CNNM1: variants seen among roughly 807,000 people sequenced by gnomAD.
CNNM1 encodes the protein cyclin and CBS domain divalent metal cation transport mediator 1.
A neutral mutation model predicts 78.8 loss-of-function variants in CNNM1; 44 were observed. The observed-to-expected ratio is 0.56, with a 90% confidence interval of 0.44 to 0.72. CNNM1 has a LOEUF of 0.72. Ranked by LOEUF, CNNM1 falls within the 30% of genes least tolerant of loss-of-function variation. The pLI is 0.00. For synonymous variants in CNNM1, 584 were observed against 581.5 expected, an observed-to-expected ratio of 1.00 and a Z score of -0.06; for missense variants, 1,101 against 1,292.2, an observed-to-expected ratio of 0.85 and a Z score of 2.27.
intron 7 of CNNM1, among the ~76,000 whole-genome samples, chr10:99,381,335 A>C (rs2032144816): frequency 1.3e-5 from 2 of 151,018 alleles, no homozygotes; most frequent in South Asian, 4.2e-4. Flanking sequence ...AATCGCTTCA[A>C]CCCAGGACAC....
At chr10:99,387,117 C>G (rs758548752) in intron 7 of CNNM1, among the ~76,000 whole-genome samples, 17 of 152,316 alleles carry the variant, frequency 1.1e-4, no homozygotes, top group African/African-American at 3.8e-4. Context: ...AGACACCCTC[C>G]TGCCTTTTAG....
chr10:99,365,037 C>T (rs370723438), intron 6 of CNNM1, 35 bp downstream of exon 6: 79 of 1,611,410 alleles, frequency 4.9e-5, no homozygotes, highest in Admixed American at 1.2e-4. Flanking sequence ...TCGTCCTCCC[C>T]ATCGTAGTCC....
Position 99,388,219 on chromosome 10 carries a change from C to T in CNNM1, c.2592C>T (p.Phe864=). 1 of 1,614,012 alleles carries T rather than the reference C, an allele frequency of 6.2e-7. No individual in the cohort carries two copies. The highest frequency in any genetic ancestry group is 1.3e-5 in the African/African-American group (1 of 75,080). The part of the protein sequence containing the change: ...VVYLRMEELA[F]TQEEMTDFEE... ...ACCTGAGGATGGAGGAGCTGGCCTT[C>T]ACCCAGGAAGAAATGACTGACTTCG... Residue 864 remains phenylalanine, a synonymous_variant, in exon 9 of 11, where the codon TTC becomes TTT. Coordinates refer to ENST00000356713, the MANE Select transcript of CNNM1 (RefSeq NM_020348.3).
intron 7 of CNNM1, among the ~76,000 whole-genome samples, chr10:99,386,543 T>C (rs1390759943): frequency 1.3e-5 from 2 of 152,198 alleles, no homozygotes; most frequent in East Asian, 3.8e-4. Context: ...TCCCATATGC[T>C]CTGCAAAAAG....
At chr10:99,336,351 G>A (rs958129892) in intron 1 of CNNM1, among the ~76,000 whole-genome samples, 9 of 152,346 alleles carry the variant, frequency 5.9e-5, no homozygotes, top group African/African-American at 2.2e-4. Flanking sequence ...AGGAGCAATA[G>A]ATTATAACAT....
At chr10:99,386,801 T>C (rs1178252735) in intron 7 of CNNM1, among the ~76,000 whole-genome samples, 3 of 152,156 alleles carry the variant, frequency 2.0e-5, no homozygotes, top group Non-Finnish European at 4.4e-5. Context: ...AGCAGAAATC[T>C]TTTCTCTTTC....
intron 6 of CNNM1, among the ~76,000 whole-genome samples, chr10:99,365,578 G>A (rs1449094156): frequency 6.6e-6 from 1 of 152,204 alleles, no homozygotes; most frequent in Admixed American, 6.5e-5. Context: ...CTGATGGCTG[G>A]TTTGCTCTGC....
chr10:99,384,566 C>T (rs1166236541), intron 7 of CNNM1, among the ~76,000 whole-genome samples: 2 of 151,908 alleles, frequency 1.3e-5, no homozygotes, highest in Non-Finnish European at 2.9e-5. Flanking sequence ...TTTAGCATCA[C>T]TGACAAGTGG....
At chr10:99,371,424 T>C (rs1401074623) in intron 6 of CNNM1, among the ~76,000 whole-genome samples, 1 of 152,152 alleles carries the variant, frequency 6.6e-6, no homozygotes, top group Non-Finnish European at 1.5e-5. Flanking sequence ...CTTCTCCTGG[T>C]GGTGGAGATA....
At chr10:99,347,047 G>A (rs1306165956) in intron 1 of CNNM1, among the ~76,000 whole-genome samples, 2 of 152,188 alleles carry the variant, frequency 1.3e-5, no homozygotes, top group Non-Finnish European at 2.9e-5. Context: ...GGCACTGGAG[G>A]AGGGAGAGGA....
Position 99,330,170 on chromosome 10 carries a change from C to T in CNNM1, c.783C>T (p.Gly261=), listed in dbSNP as rs2134007001. 2.0e-6 allele frequency: 3 copies of T among 1,523,086 alleles called. No individual in the cohort carries two copies. The highest frequency in any genetic ancestry group is 2.6e-6 in the Non-Finnish European group (3 of 1,140,766). The allele number at this position is 1,523,086 out of a possible 1,614,324, so 94.3% of individuals were successfully genotyped here. A position where few individuals can be genotyped will look rare whatever the true frequency, so the allele number is the denominator to read the frequency against. The stretch of plus-strand genomic sequence containing the variant: ...AGTTACGGGTGCTGCGGAACAGCGG[C>T]TCGGCCGCCGAGCAGGAGCAGGCGC... ...PVELRVLRNS[G]SAAEQEQARR... The change falls in exon 1 of 11, where the codon GGC becomes GGT. Residue 261 remains glycine (G), a synonymous_variant. Coordinates refer to ENST00000356713, the MANE Select transcript of CNNM1 (RefSeq NM_020348.3).
chr10:99,391,582 C>A lies in CNNM1; in HGVS notation c.*66C>A. 7.3e-7 allele frequency: 1 copy of A among 1,370,644 alleles called. No homozygotes were observed. The highest frequency in any genetic ancestry group is 1.2e-5 in the South Asian group (1 of 82,132). 84.9% of individuals were successfully genotyped at this position (1,370,644 alleles called of 1,614,324 possible). ...AGCTTTGGGGGAGAATCCACCCTCC[C>A]ATCATCTGCTTCCCCCAAGGCCTCC... On this transcript the variant is annotated 3_prime_UTR_variant, in exon 11 of 11. Coordinates refer to ENST00000356713, the MANE Select transcript of CNNM1 (RefSeq NM_020348.3).
chr10:99,380,337 A>G (rs1256374600), intron 7 of CNNM1, among the ~76,000 whole-genome samples: 13 of 152,178 alleles, frequency 8.5e-5, no homozygotes, highest in Admixed American at 8.5e-4. Flanking sequence ...TGCTGCTTGG[A>G]GTAGAAAAGT....
At chr10:99,368,692 T>C (rs1396599611) in intron 6 of CNNM1, 1 of 1,289,354 alleles carries the variant, frequency 7.8e-7, no homozygotes, top group Admixed American at 2.3e-5. Context: ...TAAACATGCA[T>C]GGGTGTCTCG....
intron 1 of CNNM1, among the ~76,000 whole-genome samples, chr10:99,342,587 C>T (rs951588249): frequency 3.9e-5 from 6 of 151,900 alleles, no homozygotes; most frequent in African/African-American, 7.3e-5. Context: ...CAAATCAAGG[C>T]GGTTGCTGCA....
In CNNM1 at chr10:99,351,959, A is replaced by T. The variant is rs912452071; in HGVS notation, c.1574-5553A>T. On this transcript the variant is annotated intron_variant, in intron 1 of 10. Transcript: ENST00000356713. ...ATTTTTTTCAATTGGCTTTCTTTTT[A>T]AAAAATAATAGCTTCATTGAGATAG... 3.3e-5 allele frequency among the ~76,000 whole-genome samples: 5 copies of T among 152,282 alleles called. No individual in the cohort carries two copies. In the East Asian group the frequency reaches 9.6e-4, roughly 29 times the overall value.
Position 99,330,371 on chromosome 10 carries a change from G to A in CNNM1, c.984G>A (p.Ala328=), listed in dbSNP as rs770888746. 5 of 1,597,738 alleles carry A rather than the reference G, an allele frequency of 3.1e-6. 1 individual carries two copies. In the South Asian group the frequency reaches 3.4e-5, roughly 11 times the overall value. ...EEGIHFPWLP[A]LVCTGAVFLG... The stretch of plus-strand genomic sequence containing the variant: ...GGATCCACTTCCCGTGGCTGCCGGC[G>A]CTCGTGTGCACCGGCGCGGTATTCC... Residue 328 remains alanine, a synonymous_variant, in exon 1 of 11, where the codon GCG becomes GCA. Coordinates refer to ENST00000356713, the MANE Select transcript of CNNM1 (RefSeq NM_020348.3).
At chr10:99,373,427 C>G (rs1427316851) in intron 6 of CNNM1, among the ~76,000 whole-genome samples, 1 of 152,192 alleles carries the variant, frequency 6.6e-6, no homozygotes, top group African/African-American at 2.4e-5. Context: ...GCCAAAGAAG[C>G]TACTTTTGGG....
chr10:99,368,119 C>T (rs2031684196), intron 6 of CNNM1, among the ~76,000 whole-genome samples: 1 of 152,230 alleles, frequency 6.6e-6, no homozygotes, highest in Non-Finnish European at 1.5e-5. Context: ...GCAGAGGGAT[C>T]TCCTAGGAGT....
Sources: allele counts gnomAD v4.1 joint callset (sites outside exome capture counted in the v4.1 genomes callset), GRCh38; gene constraint gnomAD v4.1.1; transcripts MANE v1.5; gene names NCBI Gene and HGNC (gene_info 2026-07-23, HGNC 2026-07-21).